Variants in SLC4A5 observed in about 807,000 individuals in gnomAD.
SLC4A5 encodes solute carrier family 4 member 5.
SLC4A5 carries 96 observed loss-of-function variants against 120.4 expected under a neutral mutation model. That is an observed-to-expected ratio of 0.80 (90% CI 0.68 to 0.94). The LOEUF is 0.94. Among genes scored for constraint, SLC4A5 ranks in the 40% least tolerant of loss-of-function variants. The pLI is 0.00. For missense variants in SLC4A5, 1,259 were observed against 1,459.5 expected, an observed-to-expected ratio of 0.86 and a Z score of 2.24; for synonymous variants, 550 against 571.1, an observed-to-expected ratio of 0.96 and a Z score of 0.53.
chr2:74,329,211 C>T (rs1457308177), intron 4 of SLC4A5, among the ~76,000 whole-genome samples: 2 of 152,148 alleles, frequency 1.3e-5, no homozygotes, highest in East Asian at 1.9e-4. Flanking sequence ...TTATGAAGTA[C>T]AGATGCAGGT....
At chr2:74,304,733 T>C in intron 6 of SLC4A5, 53 bp from the exon 7 acceptor site, 1 of 1,531,438 alleles carries the variant, frequency 6.5e-7, no homozygotes, top group Non-Finnish European at 8.9e-7. Flanking sequence ...AAATTGGCAT[T>C]TTTTCATAAT....
intron 10 of SLC4A5, 59 bp downstream of exon 10, chr2:74,264,088 A>C (rs1443907527): frequency 6.4e-7 from 1 of 1,562,226 alleles, no homozygotes; most frequent in Non-Finnish European, 8.7e-7. Flanking sequence ...TCACCCGGGT[A>C]CCAGGGCCTG....
chr2:74,269,855 C>T (rs180823655), intron 8 of SLC4A5, among the ~76,000 whole-genome samples: 12 of 152,288 alleles, frequency 7.9e-5, no homozygotes, highest in Admixed American at 5.9e-4. Flanking sequence ...GCAACTCCAC[C>T]TGAAGGAGTG....
chr2:74,219,997 G>A (rs143456881), intron 30 of SLC4A5, among the ~76,000 whole-genome samples: 198 of 152,234 alleles, frequency 1.3e-3, no homozygotes, highest in African/African-American at 4.6e-3. Context: ...CCCCTGCCCC[G>A]TTTCCCCAAA....
intron 3 of SLC4A5, among the ~76,000 whole-genome samples, chr2:74,334,693 C>A (rs1351052056): frequency 1.3e-5 from 2 of 151,916 alleles, no homozygotes. Flanking sequence ...TGATTGGGTC[C>A]AAATCCTGAC....
At chr2:74,333,735 A>G (rs752909164) in intron 4 of SLC4A5, among the ~76,000 whole-genome samples, 3 of 152,166 alleles carry the variant, frequency 2.0e-5, no homozygotes, top group Non-Finnish European at 4.4e-5. Context: ...TTTTCTTCAG[A>G]TACCTGGTGG....
chr2:74,309,749 G>C (rs1672751568), intron 6 of SLC4A5, among the ~76,000 whole-genome samples: 1 of 151,028 alleles, frequency 6.6e-6, no homozygotes, highest in Non-Finnish European at 1.5e-5. Context: ...TCTGCCTCCC[G>C]GGTTCACGCC....
intron 8 of SLC4A5, among the ~76,000 whole-genome samples, chr2:74,271,783 C>T (rs1163949030): frequency 6.6e-6 from 1 of 151,770 alleles, no homozygotes; most frequent in African/African-American, 2.4e-5. Flanking sequence ...GCTTAAAACT[C>T]ATTTTGTTTA....
At chr2:74,241,199 C>T (rs952868524) in intron 20 of SLC4A5, among the ~76,000 whole-genome samples, 1 of 151,942 alleles carries the variant, frequency 6.6e-6, no homozygotes, top group African/African-American at 2.4e-5. Context: ...CTTTGTGAGG[C>T]TCTATTTACC....
intron 7 of SLC4A5, among the ~76,000 whole-genome samples, chr2:74,303,563 C>T (rs1672541271): frequency 6.6e-6 from 1 of 152,228 alleles, no homozygotes. Flanking sequence ...GATTCCAGTC[C>T]TTTTTACTCC....
chr2:74,259,562 G>A (rs777334974), intron 12 of SLC4A5, 26 bp downstream of exon 12: 19 of 1,613,146 alleles, frequency 1.2e-5, no homozygotes, highest in Non-Finnish European at 1.5e-5. Flanking sequence ...GCCCTCCATT[G>A]CAGCTAAGTG....
At chr2:74,308,179 C>T (rs1672705346) in intron 6 of SLC4A5, among the ~76,000 whole-genome samples, 1 of 152,240 alleles carries the variant, frequency 6.6e-6, no homozygotes, top group Admixed American at 6.5e-5. Context: ...AATAGTGCAG[C>T]TCTAAACATT....
intron 20 of SLC4A5, among the ~76,000 whole-genome samples, chr2:74,240,621 T>G (rs943991734): frequency 1.2e-4 from 18 of 152,004 alleles, no homozygotes; most frequent in African/African-American, 4.3e-4. Flanking sequence ...ACTTAAAAAT[T>G]AGCCAGGCAC....
intron 8 of SLC4A5, among the ~76,000 whole-genome samples, chr2:74,279,986 C>T (rs1671760002): frequency 1.3e-5 from 2 of 152,180 alleles, no homozygotes; most frequent in South Asian, 2.1e-4. Context: ...CCCCTTTTAT[C>T]CATTCTCCAC....
chr2:74,312,438 C>T (rs181603046), intron 6 of SLC4A5, among the ~76,000 whole-genome samples: 1 of 152,084 alleles, frequency 6.6e-6, no homozygotes, highest in East Asian at 1.9e-4. Flanking sequence ...CCATGTTGGC[C>T]AGGCTGGTCT....
intron 7 of SLC4A5, among the ~76,000 whole-genome samples, chr2:74,286,746 A>T (rs1671996661): frequency 1.3e-5 from 2 of 152,214 alleles, no homozygotes; most frequent in Non-Finnish European, 2.9e-5. Flanking sequence ...AGTAGATAGC[A>T]TGGTCACAAA....
At chr2:74,231,246 G>A (rs1670069553) in exon 25 of SLC4A5, 1 of 1,611,310 alleles carries the variant, frequency 6.2e-7, no homozygotes, top group Non-Finnish European at 8.5e-7. Flanking sequence ...CTTTAGGATG[G>A]GAGCCAGGAA....
At chr2:74,225,844 C>T (rs73948724) in intron 27 of SLC4A5, among the ~76,000 whole-genome samples, 23 of 152,278 alleles carry the variant, frequency 1.5e-4, no homozygotes, top group African/African-American at 5.5e-4. Context: ...GTGGGTCTTG[C>T]CCTGCCCTAT....
chr2:74,291,907 C>T (rs868822997), intron 7 of SLC4A5, among the ~76,000 whole-genome samples: 2 of 152,338 alleles, frequency 1.3e-5, no homozygotes. Context: ...CAGCAGGCCA[C>T]ACCAAGTCAG....
Sources: gnomAD v4.1 joint callset for allele counts (sites outside exome capture counted in the v4.1 genomes callset) on GRCh38, gnomAD v4.1.1 for gene constraint, MANE v1.5 for transcripts, NCBI Gene and HGNC (gene_info 2026-07-23, HGNC 2026-07-21) for gene names.